The following PZP variants were observed in gnomAD, a reference collection of about 807,000 sequenced individuals.
PZP encodes PZP alpha-2-macroglobulin like.
PZP carries 150 observed loss-of-function variants against 179.8 expected under a neutral mutation model. The ratio of observed to expected loss-of-function variants is 0.83; its 90% CI spans 0.73 to 0.96. The LOEUF is 0.96. Ranked by LOEUF, PZP falls within the 40% of genes least tolerant of loss-of-function variation. The probability of loss-of-function intolerance (pLI) is 0.00; values close to 1 mark genes in which losing one functional copy is unlikely to be tolerated. For missense variants in PZP, 1,689 were observed against 1,764.0 expected (o/e 0.96, Z 0.76); for synonymous variants, 624 against 652.3 (o/e 0.96, Z 0.66).
chr12:9,158,239 T>C (rs909967138), intron 26 of PZP, among the ~76,000 whole-genome samples, 181 bp downstream of exon 26: 2 of 152,178 alleles, frequency 1.3e-5, no homozygotes, highest in African/African-American at 2.4e-5. Context: ...CTACGTGTGA[T>C]CCACTGCATC....
In PZP at chr12:9,203,793, T is replaced by C. The variant is rs1165763357; in HGVS notation, c.242A>G (p.Asp81Gly). The C allele has an allele frequency of 6.2e-7, 1 of 1,614,032 alleles. No homozygotes were observed. The highest frequency in any genetic ancestry group is 8.5e-7 in the Non-Finnish European group (1 of 1,179,986). ...AGTGAAGGAGACACAGTGGAATAAG[T>C]CCTTCTCCGCCACCAGGTCAGTGAA... The part of the protein sequence containing the change: ...SLFTDLVAEK[D>G]LFHCVSFTLP... Residue 81 changes from aspartate (D) to glycine (G), a missense_variant, in exon 2 of 36, where the codon GAC becomes GGC. By Grantham distance (94) the Asp-to-Gly change is moderately conservative (BLOSUM62 -1). Transcript: ENST00000261336.
At chr12:9,169,942 A>T (rs1342326226) in intron 15 of PZP, 1 of 163,486 alleles carries the variant, frequency 6.1e-6, no homozygotes, top group African/African-American at 2.4e-5. Flanking sequence ...ATTTAGCTAC[A>T]TATTATTATT....
rs1389735171 is a variant in PZP at position 9,153,340 on chromosome 12, T to C, written c.3778A>G (p.Thr1260Ala). 8.7e-6 allele frequency: 14 copies of C among 1,613,290 alleles called. No individual in the cohort carries two copies. In the East Asian group the frequency reaches 3.1e-4, roughly 36 times the overall value. The change falls in exon 30 of 36, where the codon ACA (threonine) becomes GCA (alanine). Residue 1260 changes from threonine (T) to alanine (A), a missense_variant. Coordinates refer to ENST00000261336, the MANE Select transcript of PZP (RefSeq NM_002864.3). ...AQGGFSSTQDTVVALHALSRY... is the reference protein window; with the variant it reads ...AQGGFSSTQDAVVALHALSRY... ...GACAGGGCATGGAGAGCCACCACTG[T>C]GTCCTGGAAGAGACGAGTGGACAAC...
In PZP at chr12:9,158,476, G is replaced by A; in HGVS notation, c.3238C>T (p.Gln1080Ter). The A allele has an allele frequency of 6.2e-7, 1 of 1,614,144 alleles. No individual in the cohort carries two copies. Among genetic ancestry groups the A allele is most frequent in the South Asian group, 1.1e-5 (1 of 91,076 alleles). Residue 1080 changes from glutamine to a stop codon, truncating the protein, a stop_gained, in exon 26 of 36, where the codon CAG (glutamine) becomes TAG (stop). Coordinates refer to ENST00000261336, the MANE Select transcript of PZP (RefSeq NM_002864.3). LOFTEE classifies it high-confidence loss of function. ...TQSLTWLSQM[Q>*]KDNGCFRSSG... is the part of the protein sequence containing the mutation. ...CTCCTGAAACAGCCATTGTCCTTCT[G>A]CATCTGGGAGAGCCACGTGAGAGAT...
At chr12:9,157,886 A>G in intron 26 of PZP, 45 bp from the exon 27 acceptor site, 1 of 1,484,418 alleles carries the variant, frequency 6.7e-7, no homozygotes, top group South Asian at 1.2e-5. Context: ...GCCAAGTGTT[A>G]GTATATTCTC....
downstream of PZP, among the ~76,000 whole-genome samples, chr12:9,143,983 C>T (rs916711874): frequency 6.6e-6 from 1 of 152,202 alleles, no homozygotes; most frequent in Non-Finnish European, 1.5e-5. Flanking sequence ...TGGGTGTCCC[C>T]AAGATTTCTT....
intron 23 of PZP, 74 bp from the exon 24 acceptor site, chr12:9,160,564 CT>C (rs1753855005): frequency 3.0e-6 from 4 of 1,355,260 alleles, no homozygotes; most frequent in Non-Finnish European, 4.0e-6. Flanking sequence ...CAAAAATGGC[CT>C]TTATATTCAG....
rs748511482 is a variant in PZP, at chr12:9,192,588, G to A, written c.1406C>T (p.Thr469Met). Residue 469 changes from threonine to methionine, a missense_variant, in exon 12 of 36, where the codon ACG becomes ATG. Thr to Met is a moderately conservative substitution (Grantham distance 81, BLOSUM62 -1). Around this residue, in one of 3 missense-constraint regions of PZP, gnomAD observed 742 missense variants for 730.5 expected, o/e 1.02. Transcript: ENST00000261336. ...TGTATAGTGTGCCGTGATAGTCTCC[G>A]TGTGGCCACAGGGCAGGGTACCAGC... ...PVAGTLPCGH[T>M]ETITAHYTLN... The A allele has an allele frequency of 1.4e-5, 23 of 1,614,150 alleles. No individual in the cohort carries two copies. The highest frequency in any genetic ancestry group is 1.7e-5 in the Non-Finnish European group (20 of 1,180,022).
intron 20 of PZP, 24 bp downstream of exon 20, chr12:9,164,109 G>C: frequency 6.2e-7 from 1 of 1,600,732 alleles, no homozygotes; most frequent in Non-Finnish European, 8.6e-7. Context: ...TGATTGATAG[G>C]CCCTTTTGGG....
chr12:9,193,081 G>A (rs1451703096), intron 11 of PZP, among the ~76,000 whole-genome samples: 1 of 152,146 alleles, frequency 6.6e-6, no homozygotes, highest in Admixed American at 6.5e-5. Context: ...TCATGAATTG[G>A]CTTAATTAAA....
chr12:9,150,631 T>C lies in PZP; in HGVS notation c.4384+13A>G. Reference sequence around the variant, plus strand: ...GGCTCTGGTTAAGATTGTTTCATTTTTCTTTCACTCACCTGTCTCATAGTA... The same window carrying C: ...GGCTCTGGTTAAGATTGTTTCATTTCTCTTTCACTCACCTGTCTCATAGTA... On this transcript the variant is annotated intron_variant, in intron 34 of 35. Transcript: ENST00000261336. 6.5e-7 allele frequency: 1 copy of C among 1,546,250 alleles called. No homozygotes were observed. The highest frequency in any genetic ancestry group is 8.9e-7 in the Non-Finnish European group (1 of 1,124,508).
chr12:9,151,601 C>G lies in PZP; in HGVS notation c.4281+3G>C, dbSNP rs1940359454. ...GTCTCAGCCAGGATGTCAGAGCCCTCACCTGTTCCACATAAATGAGGACAT... is the reference window on the plus strand; with the variant it reads ...GTCTCAGCCAGGATGTCAGAGCCCTGACCTGTTCCACATAAATGAGGACAT... On this transcript the variant is annotated splice_donor_region_variant and intron_variant, in intron 33 of 35. Transcript: ENST00000261336. 6.2e-7 allele frequency: 1 copy of G among 1,613,230 alleles called. No homozygotes were observed. The highest frequency in any genetic ancestry group is 8.5e-7 in the Non-Finnish European group (1 of 1,179,320).
intron 15 of PZP, among the ~76,000 whole-genome samples, chr12:9,177,690 G>A (rs889656738): frequency 6.6e-6 from 1 of 152,058 alleles, no homozygotes; most frequent in Non-Finnish European, 1.5e-5. Flanking sequence ...TATTCAAAGC[G>A]ACCACGCTTA....
the PZP span, among the ~76,000 whole-genome samples, chr12:9,138,701 T>C: frequency 9.3e-4 from 142 of 152,240 alleles, no homozygotes; most frequent in African/African-American, 3.2e-3. Flanking sequence ...GTTCAAACTT[T>C]CTTGATTTTT....
rs1940493502 is a variant in PZP, at chr12:9,153,191, G to A, written c.3927C>T (p.Ile1309=). ...DNNNLLLLQQ[I]SLPELPGEYV... The stretch of plus-strand genomic sequence containing the variant: ...ATTCTCCAGGGAGCTCTGGCAATGA[G>A]ATCTGCTGCAGTAATAGGAGGTTGT... The change falls in exon 30 of 36, where the codon ATC becomes ATT. Residue 1309 remains isoleucine, a synonymous_variant. Coordinates refer to ENST00000261336, the MANE Select transcript of PZP (RefSeq NM_002864.3). 2 of 1,614,204 alleles carry A rather than the reference G, an allele frequency of 1.2e-6. No individual in the cohort carries two copies. The highest frequency in any genetic ancestry group is 1.7e-6 in the Non-Finnish European group (2 of 1,180,026).
intron 17 of PZP, 77 bp from the exon 18 acceptor site, chr12:9,166,279 C>A: frequency 1.4e-6 from 2 of 1,464,792 alleles, no homozygotes; most frequent in Non-Finnish European, 1.9e-6. Flanking sequence ...CGTTAGAGAA[C>A]AAAATTTTCA....
In PZP at chr12:9,173,581, C is replaced by A. The variant is rs147340668; in HGVS notation, c.1840-3990G>T. On this transcript the variant is annotated intron_variant, in intron 15 of 35. Transcript: ENST00000261336. The stretch of plus-strand genomic sequence containing the variant: ...GTTAATAAAATAGATAGACTGCTAG[C>A]TAGACTAATAAAGAAGAAAAAAAGA... 2.8e-3 allele frequency among the ~76,000 whole-genome samples: 419 copies of A among 151,900 alleles called. 2 individuals carry two copies. Among genetic ancestry groups the A allele is most frequent in the Admixed American group, 5.2e-3 (79 of 15,264 alleles).
rs767410577 is a variant in PZP, at chr12:9,152,375, C to T, written c.4122-65G>A. 2.5e-6 allele frequency: 3 copies of T among 1,180,400 alleles called. No individual in the cohort carries two copies. In the East Asian group the frequency reaches 7.0e-5, roughly 28 times the overall value. The allele number at this position is 1,180,400 out of a possible 1,614,324, so 73.1% of individuals were successfully genotyped here. Reference sequence around the variant, plus strand: ...TGAAAGAAAGCCAAATTTCTGCTTTCAAGCATCACTTTAAGCCTGTCTGTC... The same window carrying T: ...TGAAAGAAAGCCAAATTTCTGCTTTTAAGCATCACTTTAAGCCTGTCTGTC... On this transcript the variant is annotated intron_variant, in intron 31 of 35. Transcript: ENST00000261336.
chr12:9,142,192 A>C, the PZP span, among the ~76,000 whole-genome samples: 1 of 152,208 alleles, frequency 6.6e-6, no homozygotes, highest in South Asian at 2.1e-4. Context: ...TTCCCAAAGC[A>C]AACTTCCTTC....
Sources: gnomAD v4.1 joint callset for allele counts (sites outside exome capture counted in the v4.1 genomes callset) on GRCh38, gnomAD v4.1.1 for gene constraint, gnomAD v4.1.1 regional missense constraint, MANE v1.5 for transcripts, NCBI Gene and HGNC (gene_info 2026-07-23, HGNC 2026-07-21) for gene names.